Variants in DSCAM observed in about 807,000 individuals in gnomAD.
DSCAM encodes the protein cell adhesion molecule DSCAM.
A neutral mutation model predicts 217.7 loss-of-function variants in DSCAM; 47 were observed. That is an observed-to-expected ratio of 0.22 (90% CI 0.17 to 0.28). The LOEUF (loss-of-function observed/expected upper bound fraction) is 0.28. Ranked by LOEUF, DSCAM falls within the 10% of genes least tolerant of loss-of-function variation. The pLI, the probability that DSCAM is intolerant of heterozygous loss-of-function variation, is 1.00. For synonymous variants in DSCAM, 1,056 were observed against 1,015.3 expected (o/e 1.04, Z -0.76); for missense variants, 2,080 against 2,618.3 (o/e 0.79, Z 4.49).
chr21:40,376,613 A>ATAGATATCGATATCTATATATCT (rs1555911126), intron 3 of DSCAM, among the ~76,000 whole-genome samples: 117 of 10,894 alleles, frequency 0.011, 10 homozygotes, highest in South Asian at 0.016. Context: ...TATATCTTAT[A>ATAGATATCGATATCTATATATCT]TAGATATCGA....
At chr21:40,460,227 A>G (rs779299789) in intron 3 of DSCAM, among the ~76,000 whole-genome samples, 1 of 152,196 alleles carries the variant, frequency 6.6e-6, no homozygotes, top group Non-Finnish European at 1.5e-5. Flanking sequence ...ACCATGGCAC[A>G]TATTTACCTA....
chr21:40,773,038 G>A (rs1308875144), intron 1 of DSCAM, among the ~76,000 whole-genome samples: 2 of 152,212 alleles, frequency 1.3e-5, no homozygotes, highest in African/African-American at 2.4e-5. Context: ...CCTGCAGGGC[G>A]CTCTGTGCGC....
chr21:40,261,748 A>C (rs1018170032), intron 11 of DSCAM, among the ~76,000 whole-genome samples: 1 of 151,880 alleles, frequency 6.6e-6, no homozygotes, highest in African/African-American at 2.4e-5. Context: ...TATGCTAATA[A>C]ATAGCACTAT....
chr21:40,375,944 G>T (rs2074945817), intron 3 of DSCAM, among the ~76,000 whole-genome samples: 1 of 152,150 alleles, frequency 6.6e-6, no homozygotes, highest in Non-Finnish European at 1.5e-5. Context: ...TTTTAAGATT[G>T]TGATGAATTA....
intron 3 of DSCAM, among the ~76,000 whole-genome samples, chr21:40,425,294 G>A (rs2075461536): frequency 6.6e-6 from 1 of 151,930 alleles, no homozygotes; most frequent in African/African-American, 2.4e-5. Context: ...GGGATGCCAA[G>A]GTGGGTGGAT....
chr21:40,543,877 G>A (rs73364970), intron 3 of DSCAM, among the ~76,000 whole-genome samples: 14,077 of 152,006 alleles, frequency 0.093, 1,376 homozygotes, highest in African/African-American at 0.25. Context: ...AAAAATATTT[G>A]TAAATAAAAT....
At chr21:40,069,711 C>T (rs1307003945) in intron 27 of DSCAM, among the ~76,000 whole-genome samples, 6 of 152,134 alleles carry the variant, frequency 3.9e-5, no homozygotes, top group Non-Finnish European at 7.3e-5. Context: ...GTTTTATTTG[C>T]AGCCTCTCCC....
rs1269230256 is a variant in DSCAM, at chr21:40,187,355, C to T, written c.2651-96G>A. On this transcript the variant is annotated intron_variant, in intron 13 of 32. Coordinates refer to ENST00000400454, the MANE Select transcript of DSCAM (RefSeq NM_001389.5). The stretch of plus-strand genomic sequence containing the variant: ...TGAGCGTGACTCACAAACGATTTGT[C>T]TGCATTAGACAAGAACAGAAGCTTT... 4.8e-6 allele frequency: 7 copies of T among 1,461,082 alleles called. No individual in the cohort carries two copies. In the South Asian group the frequency reaches 6.4e-5, roughly 13 times the overall value. The allele number at this position is 1,461,082 out of a possible 1,614,324, so 90.5% of individuals were successfully genotyped here.
At chr21:40,690,686 T>TA (rs147950386) in intron 3 of DSCAM, among the ~76,000 whole-genome samples, 6,590 of 152,298 alleles carry the variant, frequency 0.043, 171 homozygotes, top group East Asian at 0.11. Context: ...TCCTTTTTTT[T>TA]ATTTAGTTAG....
At chr21:40,304,795 G>GT (rs2123471197) in intron 9 of DSCAM, among the ~76,000 whole-genome samples, 1 of 152,262 alleles carries the variant, frequency 6.6e-6, no homozygotes, top group Non-Finnish European at 1.5e-5. Flanking sequence ...GAAATGGTTG[G>GT]TTAGTAGAGT....
chr21:40,364,914 A>C (rs1013707132), intron 4 of DSCAM, among the ~76,000 whole-genome samples: 2 of 149,982 alleles, frequency 1.3e-5, no homozygotes, highest in African/African-American at 4.9e-5. Flanking sequence ...TATTTCAAGA[A>C]TTTCTATAAA....
At chr21:40,835,569 A>G (rs2092049462) in intron 1 of DSCAM, among the ~76,000 whole-genome samples, 1 of 152,202 alleles carries the variant, frequency 6.6e-6, no homozygotes, top group African/African-American at 2.4e-5. Context: ...TAAATTTCAA[A>G]ACGGCCACTC....
chr21:40,559,464 A>T (rs2076699886), intron 3 of DSCAM, among the ~76,000 whole-genome samples: 1 of 151,780 alleles, frequency 6.6e-6, no homozygotes, highest in Non-Finnish European at 1.5e-5. Flanking sequence ...GTCTCAAAAA[A>T]AAAAAAAAAA....
At chr21:40,653,021 C>T (rs901427320) in intron 3 of DSCAM, among the ~76,000 whole-genome samples, 4 of 152,166 alleles carry the variant, frequency 2.6e-5, no homozygotes, top group African/African-American at 9.7e-5. Context: ...GTTGTCACAA[C>T]TTCTTACTGG....
At chr21:40,838,217 A>C (rs373281108) in intron 1 of DSCAM, among the ~76,000 whole-genome samples, 3 of 152,350 alleles carry the variant, frequency 2.0e-5, no homozygotes, top group South Asian at 4.1e-4. Context: ...AAATGTTCCC[A>C]TCATCCAGCA....
intron 31 of DSCAM, 42 bp downstream of exon 31, chr21:40,044,036 G>T (rs776908213): frequency 3.1e-6 from 5 of 1,605,054 alleles, no homozygotes. Context: ...TGCGGGGGCC[G>T]TGCTGGTCCC....
chr21:40,734,210 C>A (rs551327021), intron 1 of DSCAM, among the ~76,000 whole-genome samples: 5 of 152,214 alleles, frequency 3.3e-5, no homozygotes, highest in African/African-American at 9.6e-5. Flanking sequence ...CTGAGAGTCT[C>A]CAATCCAAGG....
intron 19 of DSCAM, 82 bp from the exon 20 acceptor site, chr21:40,124,410 C>T (rs943247308): frequency 3.8e-5 from 59 of 1,558,170 alleles, no homozygotes; most frequent in Admixed American, 2.7e-4. Context: ...GACCCCACTC[C>T]GCACTTACTG....
intron 3 of DSCAM, among the ~76,000 whole-genome samples, chr21:40,577,459 C>A (rs1219394248): frequency 1.3e-5 from 2 of 151,934 alleles, no homozygotes; most frequent in African/African-American, 4.8e-5. Flanking sequence ...AGGTGGCGCC[C>A]CCCTCCGAGC....
Sources: gnomAD v4.1 joint callset for allele counts (sites outside exome capture counted in the v4.1 genomes callset) on GRCh38, gnomAD v4.1.1 for gene constraint, MANE v1.5 for transcripts, NCBI Gene and HGNC (gene_info 2026-07-23, HGNC 2026-07-21) for gene names.